The following EFCAB5 variants were observed in gnomAD, a reference collection of about 807,000 sequenced individuals.
The protein encoded by EFCAB5 is EF-hand calcium binding domain 5.
Under a neutral mutation model 167.9 loss-of-function variants are expected in EFCAB5, and 131 were observed. That is an observed-to-expected ratio of 0.78 (90% CI 0.68 to 0.90). The LOEUF is 0.90. Among genes scored for constraint, EFCAB5 ranks in the 40% least tolerant of loss-of-function variants. EFCAB5 has a pLI of 0.00. For missense variants in EFCAB5, 1,663 were observed against 1,745.2 expected (o/e 0.95, Z 0.84); for synonymous variants, 574 against 602.8 (o/e 0.95, Z 0.70).
chr17:30,089,773 C>A (rs2071158883), intron 19 of EFCAB5, among the ~76,000 whole-genome samples: 1 of 152,194 alleles, frequency 6.6e-6, no homozygotes, highest in Admixed American at 6.5e-5. Context: ...ACACCCAGGG[C>A]AGCTTAGAGC....
intron 7 of EFCAB5, among the ~76,000 whole-genome samples, chr17:30,020,021 G>A (rs768894516): frequency 1.8e-4 from 28 of 152,202 alleles, no homozygotes; most frequent in Non-Finnish European, 3.5e-4. Context: ...ATGTGAGATC[G>A]TGTTGTATTT....
At chr17:29,970,502 A>T (rs2067925387) in intron 4 of EFCAB5, among the ~76,000 whole-genome samples, 1 of 152,062 alleles carries the variant, frequency 6.6e-6, no homozygotes, top group African/African-American at 2.4e-5. Context: ...GACAAACCTT[A>T]CAGGAATTTT....
chr17:30,001,170 T>C (rs2068654535), intron 7 of EFCAB5, among the ~76,000 whole-genome samples: 1 of 152,178 alleles, frequency 6.6e-6, no homozygotes, highest in Non-Finnish European at 1.5e-5. Flanking sequence ...TGTGGCATGC[T>C]TTCTTCACTC....
chr17:30,090,586 T>C lies in EFCAB5; in HGVS notation c.3849T>C (p.Asp1283=), dbSNP rs771806276. Reference sequence around the variant, plus strand: ...TGTTGTTGTGTCAAGAATATAAAGATCTACAGAAAATGATGAAAGTGGTCC... The same window carrying C: ...TGTTGTTGTGTCAAGAATATAAAGACCTACAGAAAATGATGAAAGTGGTCC... ...NRMLLCQEYK[D]LQKMMKVVQV... Residue 1283 remains aspartate (D), a synonymous_variant, in exon 20 of 23, where the codon GAT becomes GAC. Coordinates refer to ENST00000394835, the MANE Select transcript of EFCAB5 (RefSeq NM_198529.4). 5 of 1,613,904 alleles carry C rather than the reference T, an allele frequency of 3.1e-6. No individual in the cohort carries two copies. In the East Asian group the frequency reaches 1.1e-4, roughly 36 times the overall value.
chr17:29,973,616 T>G (rs2068004400), intron 4 of EFCAB5, among the ~76,000 whole-genome samples: 1 of 149,186 alleles, frequency 6.7e-6, no homozygotes, highest in Non-Finnish European at 1.5e-5. Flanking sequence ...TAGCTGGGAT[T>G]ACAGGCACCC....
In EFCAB5 at chr17:29,993,266, A is replaced by C; in HGVS notation, c.869A>C (p.Gln290Pro). ...KVANTRKQALQEQFDEWILDP... is the reference protein window; with the variant it reads ...KVANTRKQALPEQFDEWILDP... Reference sequence around the variant, plus strand: ...GCCAACACACGGAAACAGGCTCTGCAGGAGCAATTCGATGAATGGATTCTA... The same window carrying C: ...GCCAACACACGGAAACAGGCTCTGCCGGAGCAATTCGATGAATGGATTCTA... Residue 290 changes from glutamine (Q) to proline (P), a missense_variant, in exon 5 of 23, where the codon CAG becomes CCG. Coordinates refer to ENST00000394835, the MANE Select transcript of EFCAB5 (RefSeq NM_198529.4). 1.2e-6 allele frequency: 2 copies of C among 1,613,916 alleles called. No homozygotes were observed. The highest frequency in any genetic ancestry group is 1.7e-6 in the Non-Finnish European group (2 of 1,179,832).
At chr17:30,025,536 C>T (rs1297831771) in intron 7 of EFCAB5, among the ~76,000 whole-genome samples, 36 of 152,130 alleles carry the variant, frequency 2.4e-4, no homozygotes, top group East Asian at 1.9e-3. Context: ...CTGGAGAGGA[C>T]GTGGAGAAAT....
intron 14 of EFCAB5, among the ~76,000 whole-genome samples, chr17:30,061,281 G>A (rs1259369431): frequency 6.6e-6 from 1 of 152,200 alleles, no homozygotes; most frequent in African/African-American, 2.4e-5. Context: ...GGAGATGATT[G>A]CTGAGCTGAT....
chr17:29,973,514 C>T (rs1200571773), intron 4 of EFCAB5, among the ~76,000 whole-genome samples: 1 of 137,084 alleles, frequency 7.3e-6, no homozygotes, highest in Non-Finnish European at 1.5e-5. Flanking sequence ...GAGACTTGCT[C>T]TGTCACCCAG....
intron 6 of EFCAB5, among the ~76,000 whole-genome samples, chr17:29,998,199 G>A (rs1013482360): frequency 2.0e-5 from 3 of 152,100 alleles, no homozygotes; most frequent in East Asian, 3.8e-4. Flanking sequence ...TCCAAAAACC[G>A]TAATTCTTCA....
At chr17:30,086,977 T>C in intron 18 of EFCAB5, 86 bp from the exon 19 acceptor site, 1 of 1,129,948 alleles carries the variant, frequency 8.8e-7, no homozygotes, top group Non-Finnish European at 1.3e-6. Flanking sequence ...AGCTTTCCTA[T>C]TTTTTTTCTA....
chr17:30,097,040 ATACATATACATATATATATATT>A (rs1567777381), intron 22 of EFCAB5, among the ~76,000 whole-genome samples: 1 of 106,454 alleles, frequency 9.4e-6, no homozygotes, highest in African/African-American at 4.3e-5. Flanking sequence ...ACATATACAT[ATACATATACATATATATATATT>A]TTTTTTTTTT....
intron 4 of EFCAB5, among the ~76,000 whole-genome samples, chr17:29,979,538 T>A (rs1240535313): frequency 6.6e-6 from 1 of 152,186 alleles, no homozygotes; most frequent in Non-Finnish European, 1.5e-5. Context: ...CCAAGTGTCC[T>A]CTTTGGGAAT....
In EFCAB5 at chr17:29,993,296, C is replaced by T. The variant is rs2068464086; in HGVS notation, c.899C>T (p.Pro300Leu). 3.7e-6 allele frequency: 6 copies of T among 1,612,368 alleles called. No homozygotes were observed. Among genetic ancestry groups the T allele is most frequent in the African/African-American group, 2.7e-5 (2 of 74,832 alleles). Residue 300 changes from proline (P) to leucine (L), a missense_variant, in exon 5 of 23, where the codon CCT becomes CTT. By Grantham distance (98) the Pro-to-Leu change is moderately conservative. Coordinates refer to ENST00000394835, the MANE Select transcript of EFCAB5 (RefSeq NM_198529.4). Reference sequence around the variant, plus strand: ...CAATTCGATGAATGGATTCTAGACCCTAAAGGAATGATTCCTAAGTCAGTG... The same window carrying T: ...CAATTCGATGAATGGATTCTAGACCTTAAAGGAATGATTCCTAAGTCAGTG... Reference protein sequence around the residue: ...QEQFDEWILDPKGMIPKSVIQ... With the variant: ...QEQFDEWILDLKGMIPKSVIQ...
intron 22 of EFCAB5, among the ~76,000 whole-genome samples, chr17:30,100,673 A>G (rs770962028): frequency 5.3e-5 from 8 of 152,082 alleles, no homozygotes; most frequent in Admixed American, 1.3e-4. Context: ...AGGCTGAGGC[A>G]GGTGAATTGT....
intron 7 of EFCAB5, among the ~76,000 whole-genome samples, chr17:30,005,072 A>C (rs1050687810): frequency 6.6e-6 from 1 of 152,180 alleles, no homozygotes; most frequent in Non-Finnish European, 1.5e-5. Context: ...AGAGTCCCAG[A>C]AATGGAACAA....
At chr17:29,964,313 A>G (rs1392697811) in intron 3 of EFCAB5, among the ~76,000 whole-genome samples, 2 of 152,150 alleles carry the variant, frequency 1.3e-5, no homozygotes, top group Non-Finnish European at 2.9e-5. Context: ...TTGTTTTCCA[A>G]GACAGAGTCT....
At chr17:30,087,259 A>G in intron 19 of EFCAB5, 93 bp downstream of exon 19, 1 of 944,548 alleles carries the variant, frequency 1.1e-6, no homozygotes, top group Non-Finnish European at 1.6e-6. Flanking sequence ...TCTTGCTCAT[A>G]CACGCTGACT....
At chr17:29,986,231 C>A (rs999799376) in intron 4 of EFCAB5, among the ~76,000 whole-genome samples, 1 of 152,118 alleles carries the variant, frequency 6.6e-6, no homozygotes, top group Non-Finnish European at 1.5e-5. Flanking sequence ...TATTCTTTCC[C>A]AAATTTTGAT....
Sources: allele counts gnomAD v4.1 joint callset (sites outside exome capture counted in the v4.1 genomes callset), GRCh38; gene constraint gnomAD v4.1.1; transcripts MANE v1.5; gene names NCBI Gene and HGNC (gene_info 2026-07-23, HGNC 2026-07-21).